The following SEMA6A variants were observed in gnomAD, a reference collection of about 807,000 sequenced individuals.
SEMA6A encodes the protein semaphorin-6A.
SEMA6A carries 25 observed loss-of-function variants against 96.8 expected under a neutral mutation model. That is an observed-to-expected ratio of 0.26 (90% confidence interval 0.19 to 0.36). The LOEUF is 0.36. SEMA6A is among the 10% of genes least tolerant of loss of function. The pLI is 1.00. For synonymous variants in SEMA6A, 612 were observed against 518.0 expected, an observed-to-expected ratio of 1.18 and a Z score of -2.46; for missense variants, 1,363 against 1,323.1, an observed-to-expected ratio of 1.03 and a Z score of -0.47.
At chr5:116,518,692 T>G (rs1300220667) in intron 1 of SEMA6A, among the ~76,000 whole-genome samples, 1 of 152,098 alleles carries the variant, frequency 6.6e-6, no homozygotes, top group East Asian at 1.9e-4. Context: ...TTGCCTTTCT[T>G]TGGGAGGAAA....
chr5:116,511,355 T>C (rs914328247), intron 1 of SEMA6A, among the ~76,000 whole-genome samples: 8 of 152,196 alleles, frequency 5.3e-5, no homozygotes, highest in African/African-American at 1.7e-4. Context: ...CTATCAGCGG[T>C]TGGTTGAATC....
chr5:116,478,312 A>G, intron 13 of SEMA6A, 158 bp from the exon 14 acceptor site: 4 of 812,504 alleles, frequency 4.9e-6, no homozygotes, highest in East Asian at 2.7e-5. Flanking sequence ...AAACACACAC[A>G]TGTATATGTA....
rs911422460 is a variant in SEMA6A at position 116,449,200 on chromosome 5, C to T, written c.1895-1389G>A. On this transcript the variant is annotated intron_variant, in intron 18 of 18. Transcript: ENST00000343348. ...TCGCTAAAAAATAAAATCTCTAATACCTCAATTCCTGCCTCTGGAGAGTGA... is the reference window on the plus strand; with the variant it reads ...TCGCTAAAAAATAAAATCTCTAATATCTCAATTCCTGCCTCTGGAGAGTGA... 2.1e-5 allele frequency: 13 copies of T among 621,516 alleles called. 1 individual carries two copies. In the South Asian group the frequency reaches 2.3e-4, roughly 11 times the overall value. 38.5% of individuals were successfully genotyped at this position (621,516 alleles called of 1,614,324 possible).
chr5:116,514,601 C>G lies in SEMA6A; in HGVS notation c.-38-9619G>C, dbSNP rs539581945. ...ACTGAGGTCCAAAAAGGTCACTTGC[C>G]GAATGTAGGACAGCTCAAAAGTGGC... On this transcript the variant is annotated intron_variant, in intron 1 of 18. Transcript: ENST00000343348. 2.0e-5 allele frequency among the ~76,000 whole-genome samples: 3 copies of G among 152,194 alleles called. No homozygotes were observed. The East Asian group carries it at 5.8e-4, about 29-fold the overall frequency.
chr5:116,484,257 C>T (rs371193707), intron 10 of SEMA6A, among the ~76,000 whole-genome samples: 1 of 151,998 alleles, frequency 6.6e-6, no homozygotes, highest in African/African-American at 2.4e-5. Flanking sequence ...TTCTGATGCA[C>T]CTCGTAATAA....
At chr5:116,569,964 T>C (rs1464900377) in intron 1 of SEMA6A, among the ~76,000 whole-genome samples, 3 of 152,198 alleles carry the variant, frequency 2.0e-5, no homozygotes, top group Non-Finnish European at 4.4e-5. Context: ...TTGGGAATCA[T>C]CTGTGTATTA....
At chr5:116,462,599 C>T (rs1755481656) in intron 18 of SEMA6A, among the ~76,000 whole-genome samples, 1 of 152,160 alleles carries the variant, frequency 6.6e-6, no homozygotes, top group East Asian at 1.9e-4. Context: ...CATCCCCAAA[C>T]ACAAAGCTCA....
intron 1 of SEMA6A, among the ~76,000 whole-genome samples, chr5:116,516,593 G>A (rs1236561587): frequency 2.6e-5 from 4 of 152,036 alleles, no homozygotes; most frequent in Admixed American, 6.6e-5. Context: ...GCAAAATAAC[G>A]TAGGTGTTTT....
chr5:116,452,469 G>A (rs532967915), intron 18 of SEMA6A, among the ~76,000 whole-genome samples: 3 of 150,908 alleles, frequency 2.0e-5, no homozygotes, highest in African/African-American at 7.3e-5. Flanking sequence ...GCTGGAGGGA[G>A]ACCTCAGAGA....
At chr5:116,480,009 G>T in intron 12 of SEMA6A, 113 bp downstream of exon 12, 2 of 1,249,872 alleles carry the variant, frequency 1.6e-6, no homozygotes, top group Non-Finnish European at 2.3e-6. Flanking sequence ...CTGAATGAAT[G>T]CCCAGGATAG....
At chr5:116,536,733 C>G (rs531470792) in intron 1 of SEMA6A, among the ~76,000 whole-genome samples, 1 of 150,840 alleles carries the variant, frequency 6.6e-6, no homozygotes, top group African/African-American at 2.4e-5. Context: ...TCTTGAATAG[C>G]TCCATGTGCC....
chr5:116,545,903 C>T (rs1760167116), intron 1 of SEMA6A, among the ~76,000 whole-genome samples: 1 of 152,116 alleles, frequency 6.6e-6, no homozygotes, highest in Non-Finnish European at 1.5e-5. Context: ...TCTAGTTCTG[C>T]CATTCATCAT....
chr5:116,470,675 G>T (rs1756071097), intron 17 of SEMA6A, among the ~76,000 whole-genome samples: 1 of 152,126 alleles, frequency 6.6e-6, no homozygotes, highest in East Asian at 1.9e-4. Context: ...TATGTAACTG[G>T]TGTGATACAG....
intron 4 of SEMA6A, among the ~76,000 whole-genome samples, chr5:116,496,700 G>A (rs1206521974): frequency 1.3e-5 from 2 of 152,062 alleles, no homozygotes; most frequent in Non-Finnish European, 2.9e-5. Context: ...TATAAAGAAG[G>A]CTTTTTTCTT....
chr5:116,484,318 G>A (rs1389302362), intron 10 of SEMA6A, among the ~76,000 whole-genome samples: 1 of 152,124 alleles, frequency 6.6e-6, no homozygotes, highest in Admixed American at 6.5e-5. Context: ...AATCAGTTGT[G>A]AAATCCTTTC....
At chr5:116,500,358 C>G (rs1248660703) in intron 3 of SEMA6A, among the ~76,000 whole-genome samples, 2 of 152,132 alleles carry the variant, frequency 1.3e-5, no homozygotes, top group African/African-American at 4.8e-5. Context: ...ACCTATCTGT[C>G]CCTTGGATTC....
chr5:116,534,464 C>G (rs571804571), intron 1 of SEMA6A, among the ~76,000 whole-genome samples: 3 of 152,340 alleles, frequency 2.0e-5, no homozygotes, highest in Non-Finnish European at 4.4e-5. Flanking sequence ...CCTCAAATAT[C>G]CTGGAGCACA....
intron 3 of SEMA6A, among the ~76,000 whole-genome samples, 168 bp downstream of exon 3, chr5:116,502,040 GAC>G (rs1293043238): frequency 6.6e-6 from 1 of 152,180 alleles, no homozygotes; most frequent in East Asian, 1.9e-4. Flanking sequence ...GGGTTAAACA[GAC>G]ACAGACAATT....
intron 1 of SEMA6A, among the ~76,000 whole-genome samples, chr5:116,557,866 A>C (rs1760668692): frequency 6.6e-6 from 1 of 152,240 alleles, no homozygotes; most frequent in South Asian, 2.1e-4. Context: ...ATTCAGTAAC[A>C]CTAGAGGGCA....
Sources: allele counts gnomAD v4.1 joint callset (sites outside exome capture counted in the v4.1 genomes callset), GRCh38; gene constraint gnomAD v4.1.1; transcripts MANE v1.5; gene names NCBI Gene and HGNC (gene_info 2026-07-23, HGNC 2026-07-21).